The following OLA1 variants were observed in gnomAD, a reference collection of about 807,000 sequenced individuals.
The protein encoded by OLA1 is obg-like ATPase 1.
Under a neutral mutation model 48.4 loss-of-function variants are expected in OLA1, and 14 were observed. That is an observed-to-expected ratio of 0.29 (90% CI 0.19 to 0.45). The LOEUF (loss-of-function observed/expected upper bound fraction) is 0.45. Among genes scored for constraint, OLA1 ranks in the 20% least tolerant of loss-of-function variants. OLA1 has a pLI of 1.00. For missense variants in OLA1, 325 were observed against 467.1 expected, an observed-to-expected ratio of 0.70 and a Z score of 2.80; for synonymous variants, 127 against 150.4, an observed-to-expected ratio of 0.84 and a Z score of 1.14.
intron 4 of OLA1, among the ~76,000 whole-genome samples, chr2:174,165,329 T>C (rs1687137815): frequency 2.6e-5 from 4 of 152,088 alleles, no homozygotes; most frequent in Non-Finnish European, 5.9e-5. Flanking sequence ...TTAAGGAAAA[T>C]ACATCCAACT....
chr2:174,124,236 C>T (rs940645969), intron 5 of OLA1: 3 of 151,472 alleles, frequency 2.0e-5, no homozygotes, highest in African/African-American at 7.3e-5. Flanking sequence ...ACTCCCCCAC[C>T]CCCCGAACCT....
At chr2:174,077,323 T>C (rs1684765256) in intron 10 of OLA1, among the ~76,000 whole-genome samples, 1 of 88,336 alleles carries the variant, frequency 1.1e-5, no homozygotes, top group African/African-American at 3.6e-5. Context: ...GAAATACATA[T>C]ACATACATAC....
At chr2:174,154,950 G>T (rs1234481358) in intron 4 of OLA1, among the ~76,000 whole-genome samples, 1 of 151,936 alleles carries the variant, frequency 6.6e-6, no homozygotes, top group Non-Finnish European at 1.5e-5. Context: ...CCTCTGCTTG[G>T]AATATTCTTC....
At chr2:174,139,394 C>T (rs1686386067) in intron 5 of OLA1, among the ~76,000 whole-genome samples, 1 of 152,212 alleles carries the variant, frequency 6.6e-6, no homozygotes. Context: ...TCAGACTTCT[C>T]ATCCTCCAGA....
chr2:174,219,022 C>T (rs1392684893), intron 4 of OLA1, among the ~76,000 whole-genome samples: 1 of 133,708 alleles, frequency 7.5e-6, no homozygotes, highest in African/African-American at 3.0e-5. Context: ...AATGTGGTCT[C>T]CCTGTGCTTC....
chr2:174,247,637 C>T (rs1444033036), intron 1 of OLA1: 3 of 1,550,620 alleles, frequency 1.9e-6, no homozygotes, highest in Non-Finnish European at 2.6e-6. Context: ...CATTCGCCCA[C>T]AACCCCCATT....
At chr2:174,194,290 T>C (rs1483753743) in intron 4 of OLA1, among the ~76,000 whole-genome samples, 14 of 152,206 alleles carry the variant, frequency 9.2e-5, no homozygotes, top group Admixed American at 9.2e-4. Context: ...CCCCAATTTC[T>C]GCAGCCTTCA....
chr2:174,081,956 T>C lies in OLA1; in HGVS notation c.837A>G (p.Arg279=). Residue 279 remains arginine, a synonymous_variant, in exon 8 of 11, where the codon AGA becomes AGG. Transcript: ENST00000284719. The stretch of plus-strand genomic sequence containing the variant: ...TCATGTTCGCTTCCAGATACTTCTG[T>C]CTCTCCTCAGCACTCAATTCTTGCA... ...LKLQELSAEE[R]QKYLEANMTQ... is the part of the protein sequence containing the mutation. 1 of 1,612,772 alleles carries C rather than the reference T, an allele frequency of 6.2e-7. No individual in the cohort carries two copies. Among genetic ancestry groups the C allele is most frequent in the Non-Finnish European group, 8.5e-7 (1 of 1,179,440 alleles).
At chr2:174,244,514 G>A (rs1009148585) in intron 2 of OLA1, among the ~76,000 whole-genome samples, 3 of 152,076 alleles carry the variant, frequency 2.0e-5, no homozygotes, top group Non-Finnish European at 4.4e-5. Context: ...AGCAGATTGA[G>A]TCCCTTATAT....
At chr2:174,111,438 C>T (rs1685645996) in intron 7 of OLA1, among the ~76,000 whole-genome samples, 1 of 152,146 alleles carries the variant, frequency 6.6e-6, no homozygotes, top group Admixed American at 6.5e-5. Flanking sequence ...CTTAGGTTCT[C>T]ATTAGTAAAT....
intron 7 of OLA1, among the ~76,000 whole-genome samples, chr2:174,089,717 C>T (rs1389741020): frequency 6.6e-6 from 1 of 151,834 alleles, no homozygotes; most frequent in Non-Finnish European, 1.5e-5. Flanking sequence ...GCCTGGGCAA[C>T]ATGGTGAAAC....
intron 7 of OLA1, among the ~76,000 whole-genome samples, chr2:174,112,142 T>C (rs1385210368): frequency 6.6e-6 from 1 of 152,202 alleles, no homozygotes; most frequent in East Asian, 1.9e-4. Context: ...GTGACTGGTA[T>C]ATGACACATT....
chr2:174,162,658 T>G (rs896066828), intron 4 of OLA1, among the ~76,000 whole-genome samples: 1 of 152,144 alleles, frequency 6.6e-6, no homozygotes, highest in African/African-American at 2.4e-5. Flanking sequence ...AGTTAGAAAT[T>G]TAACAAAATA....
chr2:174,117,613 T>C (rs1488625244), intron 7 of OLA1, among the ~76,000 whole-genome samples: 6 of 152,208 alleles, frequency 3.9e-5, no homozygotes, highest in Admixed American at 3.9e-4. Flanking sequence ...AGGTAGATGC[T>C]GTGTCTGGGG....
At chr2:174,100,360 T>C (rs1685362555) in intron 7 of OLA1, among the ~76,000 whole-genome samples, 1 of 152,158 alleles carries the variant, frequency 6.6e-6, no homozygotes, top group African/African-American at 2.4e-5. Context: ...TCTCTAGGTA[T>C]TTTGTATGTA....
At chr2:174,216,027 G>A (rs1688353930) in intron 4 of OLA1, among the ~76,000 whole-genome samples, 1 of 152,164 alleles carries the variant, frequency 6.6e-6, no homozygotes, top group South Asian at 2.1e-4. Flanking sequence ...CCAGGCAAGT[G>A]GCTCACACCT....
intron 4 of OLA1, among the ~76,000 whole-genome samples, chr2:174,193,212 C>G (rs1347711288): frequency 2.0e-5 from 3 of 151,580 alleles, no homozygotes; most frequent in Non-Finnish European, 4.4e-5. Flanking sequence ...GCCTCAGCTT[C>G]CCGAGTAGCT....
At chr2:174,193,446 T>G (rs1315596209) in intron 4 of OLA1, among the ~76,000 whole-genome samples, 1 of 152,212 alleles carries the variant, frequency 6.6e-6, no homozygotes, top group African/African-American at 2.4e-5. Context: ...TTCTTGCTTT[T>G]TAAATACATC....
intron 4 of OLA1, among the ~76,000 whole-genome samples, chr2:174,184,135 C>G (rs1249878155): frequency 6.6e-6 from 1 of 152,160 alleles, no homozygotes; most frequent in Non-Finnish European, 1.5e-5. Flanking sequence ...TAACATCTAT[C>G]AAATTAAATT....
Sources: gnomAD v4.1 joint callset for allele counts (sites outside exome capture counted in the v4.1 genomes callset) on GRCh38, gnomAD v4.1.1 for gene constraint, MANE v1.5 for transcripts, NCBI Gene and HGNC (gene_info 2026-07-23, HGNC 2026-07-21) for gene names.